Variants in RHBDD1 observed in about 807,000 individuals in gnomAD.
The protein encoded by RHBDD1 is rhomboid domain containing 1.
A neutral mutation model predicts 36.3 loss-of-function variants in RHBDD1; 38 were observed. The ratio of observed to expected loss-of-function variants is 1.05; its 90% CI spans 0.81 to 1.37. The LOEUF is 1.37. Among genes scored for constraint, RHBDD1 ranks in the 40% most tolerant of loss-of-function variants. The probability of loss-of-function intolerance (pLI) is 0.00; values close to 1 mark genes in which losing one functional copy is unlikely to be tolerated. For missense variants in RHBDD1, 393 were observed against 377.6 expected, an observed-to-expected ratio of 1.04 and a Z score of -0.34; for synonymous variants, 151 against 136.5, an observed-to-expected ratio of 1.11 and a Z score of -0.74.
rs79540688 is a variant in RHBDD1, at chr2:226,936,556, T to A, written c.856+22205T>A. Among the ~76,000 whole-genome samples, 981 of 152,212 alleles carry A rather than the reference T, an allele frequency of 6.4e-3. 11 individuals carry two copies. The highest frequency in any genetic ancestry group is 0.022 in the African/African-American group (912 of 41,550). On this transcript the variant is annotated intron_variant, in intron 8 of 8. Coordinates refer to ENST00000392062, the MANE Select transcript of RHBDD1 (RefSeq NM_001167608.3). The stretch of plus-strand genomic sequence containing the variant: ...TTATTGAAAGGCATTATTTGGATGC[T>A]GATGAGAAGATTTAACAATAAAAGC...
At chr2:226,941,050 A>C (rs1248377353) in intron 8 of RHBDD1, among the ~76,000 whole-genome samples, 1 of 116,498 alleles carries the variant, frequency 8.6e-6, no homozygotes, top group Non-Finnish European at 1.8e-5. Flanking sequence ...AGGTTCAAGC[A>C]ATCCTCCTGC....
chr2:226,846,438 G>A (rs1196795941), intron 3 of RHBDD1, among the ~76,000 whole-genome samples: 2 of 152,104 alleles, frequency 1.3e-5, no homozygotes, highest in African/African-American at 2.4e-5. Flanking sequence ...GCTTTTGTAG[G>A]TTTGATTAAA....
At chr2:226,849,385 C>T (rs1942561906) in intron 3 of RHBDD1, among the ~76,000 whole-genome samples, 1 of 152,204 alleles carries the variant, frequency 6.6e-6, no homozygotes, top group Non-Finnish European at 1.5e-5. Flanking sequence ...GGTTAGTGAG[C>T]ACTGGCATGG....
chr2:226,804,513 T>C, the RHBDD1 span: 1 of 152,194 alleles, frequency 6.6e-6, no homozygotes, highest in African/African-American at 2.4e-5. Context: ...CCAATATGAA[T>C]TGATTTTCCT....
At chr2:226,876,470 C>T (rs992741960) in intron 5 of RHBDD1, among the ~76,000 whole-genome samples, 1 of 152,208 alleles carries the variant, frequency 6.6e-6, no homozygotes, top group African/African-American at 2.4e-5. Flanking sequence ...CGTATATTAT[C>T]ACATATCATC....
chr2:226,895,933 A>G lies in RHBDD1; in HGVS notation c.567-10860A>G, dbSNP rs1226998470. Reference sequence around the variant, plus strand: ...AATGAAATTACTGAAACACTATTATAAGAAGTTTGGAAAATAAGAGGGATG... The same window carrying G: ...AATGAAATTACTGAAACACTATTATGAGAAGTTTGGAAAATAAGAGGGATG... On this transcript the variant is annotated intron_variant, in intron 5 of 8. Coordinates refer to ENST00000392062, the MANE Select transcript of RHBDD1 (RefSeq NM_001167608.3). 10 of 484,940 alleles carry G rather than the reference A, an allele frequency of 2.1e-5. No individual in the cohort carries two copies. In the South Asian group the frequency reaches 4.4e-4, roughly 21 times the overall value. The allele number at this position is 484,940 out of a possible 1,614,324, so 30.0% of individuals were successfully genotyped here. A position where few individuals can be genotyped will look rare whatever the true frequency, so the allele number is the denominator to read the frequency against.
chr2:226,807,249 A>G, the RHBDD1 span, among the ~76,000 whole-genome samples: 1 of 152,244 alleles, frequency 6.6e-6, no homozygotes, highest in African/African-American at 2.4e-5. Context: ...GTTAGAGATT[A>G]TAAATGTATT....
intron 5 of RHBDD1, among the ~76,000 whole-genome samples, chr2:226,898,246 A>G (rs542507778): frequency 2.8e-4 from 42 of 152,334 alleles, no homozygotes; most frequent in African/African-American, 9.1e-4. Flanking sequence ...GAATTGTCTT[A>G]TTAGCAGGCG....
the RHBDD1 span, among the ~76,000 whole-genome samples, chr2:226,822,624 A>G: frequency 7.5e-6 from 1 of 132,466 alleles, no homozygotes; most frequent in African/African-American, 2.9e-5. Flanking sequence ...GCATAGTAAT[A>G]TTTTGTCTCA....
rs533721551 is a variant in RHBDD1 at position 226,988,067 on chromosome 2, G to T, written c.857-7364G>T. On this transcript the variant is annotated intron_variant, in intron 8 of 8. Coordinates refer to ENST00000392062, the MANE Select transcript of RHBDD1 (RefSeq NM_001167608.3). Reference sequence around the variant, plus strand: ...CTTAGGATGAAAGTCATAGCAGGTGGCAAGCAGCAGGGCCAGGACCCAGTG... The same window carrying T: ...CTTAGGATGAAAGTCATAGCAGGTGTCAAGCAGCAGGGCCAGGACCCAGTG... 9.8e-5 allele frequency among the ~76,000 whole-genome samples: 15 copies of T among 152,314 alleles called. No homozygotes were observed. The South Asian group carries it at 2.9e-3, about 30-fold the overall frequency.
the RHBDD1 span, among the ~76,000 whole-genome samples, chr2:226,806,730 C>A: frequency 6.6e-6 from 1 of 152,190 alleles, no homozygotes; most frequent in South Asian, 2.1e-4. Flanking sequence ...CTCTCTTTCT[C>A]TCAATCTCAC....
intron 5 of RHBDD1, chr2:226,869,110 C>A: frequency 4.6e-6 from 4 of 875,530 alleles, no homozygotes; most frequent in Non-Finnish European, 4.1e-6. Flanking sequence ...GCAACTATTT[C>A]TGAAGTGCTT....
chr2:226,830,671 A>G (rs1376320181), upstream of RHBDD1, among the ~76,000 whole-genome samples: 1 of 152,040 alleles, frequency 6.6e-6, no homozygotes, highest in Non-Finnish European at 1.5e-5. Context: ...TGCCAGATAT[A>G]AACTTTTTTT....
chr2:226,978,690 A>G (rs977433408), intron 8 of RHBDD1, among the ~76,000 whole-genome samples: 2 of 152,210 alleles, frequency 1.3e-5, no homozygotes, highest in Non-Finnish European at 2.9e-5. Context: ...CAAAATGATT[A>G]GATTCACGAG....
chr2:226,950,809 C>T (rs560783954), intron 8 of RHBDD1, among the ~76,000 whole-genome samples: 15 of 152,110 alleles, frequency 9.9e-5, no homozygotes, highest in African/African-American at 2.9e-4. Context: ...GTCCTTTGTC[C>T]ATTTTAAAAA....
chr2:226,969,205 G>A (rs1202121925), intron 8 of RHBDD1: 1 of 152,210 alleles, frequency 6.6e-6, no homozygotes, highest in African/African-American at 2.4e-5. Flanking sequence ...CGAAGGCTCG[G>A]CCGGTAACAG....
chr2:226,869,834 T>TAGGTGATAG (rs1944640195), intron 5 of RHBDD1, among the ~76,000 whole-genome samples: 1 of 152,180 alleles, frequency 6.6e-6, no homozygotes, highest in South Asian at 2.1e-4. Context: ...GAGACCCTGA[T>TAGGTGATAG]AGGTGATAGT....
At chr2:226,952,642 G>A (rs1035790856) in intron 8 of RHBDD1, among the ~76,000 whole-genome samples, 5 of 152,124 alleles carry the variant, frequency 3.3e-5, no homozygotes, top group Admixed American at 6.5e-5. Flanking sequence ...TCCACTGGAT[G>A]TCCTCCATGC....
At chr2:226,896,220 T>G (rs989175774) in intron 5 of RHBDD1, among the ~76,000 whole-genome samples, 4 of 152,224 alleles carry the variant, frequency 2.6e-5, no homozygotes, top group African/African-American at 9.6e-5. Flanking sequence ...CTCATAGGCC[T>G]CTCAAAGCAA....
Sources: gnomAD v4.1 joint callset for allele counts (sites outside exome capture counted in the v4.1 genomes callset) on GRCh38, gnomAD v4.1.1 for gene constraint, MANE v1.5 for transcripts, NCBI Gene and HGNC (gene_info 2026-07-23, HGNC 2026-07-21) for gene names.